KLHL6: variants seen among roughly 807,000 people sequenced by gnomAD.
KLHL6 encodes the protein kelch-like protein 6.
In KLHL6, 41 loss-of-function variants were observed where a neutral mutation model predicts 58.6. The observed-to-expected ratio is 0.70, with a 90% CI of 0.55 to 0.91. KLHL6 has a LOEUF of 0.91. Ranked by LOEUF, KLHL6 falls within the 40% of genes least tolerant of loss-of-function variation. The probability of loss-of-function intolerance (pLI) is 0.00; values close to 1 mark genes in which losing one functional copy is unlikely to be tolerated. For synonymous variants in KLHL6, 338 were observed against 322.7 expected (o/e 1.05, Z -0.51); for missense variants, 714 against 805.6 (o/e 0.89, Z 1.38).
intron 3 of KLHL6, among the ~76,000 whole-genome samples, chr3:183,504,591 T>C (rs1717953085): frequency 1.3e-5 from 2 of 152,220 alleles, no homozygotes; most frequent in South Asian, 4.1e-4. Flanking sequence ...ATCTTTATCA[T>C]CTGCATTTCA....
In KLHL6 at chr3:183,525,446, C is replaced by T. The variant is rs536223221; in HGVS notation, c.459+2399G>A. Among the ~76,000 whole-genome samples the T allele has an allele frequency of 5.3e-5, 8 of 152,194 alleles. No homozygotes were observed. The South Asian group carries it at 1.2e-3, about 24-fold the overall frequency. ...AAACCACACAACTGATGGGAAGACA[C>T]GTCCATTCCTGGAAATATGCTGTAC... On this transcript the variant is annotated intron_variant, in intron 2 of 6. Transcript: ENST00000341319.
chr3:183,548,058 C>CAG (rs1211706489), intron 1 of KLHL6, among the ~76,000 whole-genome samples: 2 of 152,170 alleles, frequency 1.3e-5, no homozygotes, highest in Non-Finnish European at 2.9e-5. Flanking sequence ...GCTGAGCTGA[C>CAG]AGACCCCCAT....
At chr3:183,502,427 T>A (rs1220128190) in intron 3 of KLHL6, among the ~76,000 whole-genome samples, 1 of 152,178 alleles carries the variant, frequency 6.6e-6, no homozygotes, top group African/African-American at 2.4e-5. Context: ...GGTATTCACA[T>A]CTGTGTAGTT....
At chr3:183,516,409 C>G (rs1367966367) in intron 2 of KLHL6, among the ~76,000 whole-genome samples, 2 of 152,202 alleles carry the variant, frequency 1.3e-5, no homozygotes, top group Admixed American at 6.5e-5. Flanking sequence ...TTTGTCAGAG[C>G]TGAGAGATGA....
chr3:183,504,886 T>A (rs1010293765), intron 3 of KLHL6, among the ~76,000 whole-genome samples: 2 of 152,200 alleles, frequency 1.3e-5, no homozygotes, highest in Non-Finnish European at 2.9e-5. Context: ...GGCCCTGGTA[T>A]CTTTTGTTCC....
Position 183,519,744 on chromosome 3 carries a change from T to A in KLHL6, c.459+8101A>T, listed in dbSNP as rs138290616. On this transcript the variant is annotated intron_variant, in intron 2 of 6. Transcript: ENST00000341319. The stretch of plus-strand genomic sequence containing the variant: ...TCTAAAATAATAATAATAATAATAA[T>A]AAAAAGCCGGGCATAGTGGTGCATG... Among the ~76,000 whole-genome samples, 475 of 150,632 alleles carry A rather than the reference T, an allele frequency of 3.2e-3. 9 individuals carry two copies. Among genetic ancestry groups the A allele is most frequent in the African/African-American group, 0.011 (433 of 40,994 alleles).
intron 1 of KLHL6, among the ~76,000 whole-genome samples, chr3:183,535,534 A>G (rs1357782553): frequency 6.6e-6 from 1 of 152,220 alleles, no homozygotes; most frequent in Non-Finnish European, 1.5e-5. Flanking sequence ...ACACATCTCT[A>G]GAGACCCACC....
intron 1 of KLHL6, among the ~76,000 whole-genome samples, chr3:183,547,162 T>C (rs1462615522): frequency 6.6e-6 from 1 of 152,108 alleles, no homozygotes; most frequent in Non-Finnish European, 1.5e-5. Context: ...ATCCACCAGC[T>C]TCAGCCTCCC....
intron 1 of KLHL6, among the ~76,000 whole-genome samples, chr3:183,540,080 G>T (rs945522455): frequency 6.6e-6 from 1 of 152,110 alleles, no homozygotes; most frequent in Non-Finnish European, 1.5e-5. Context: ...CAGATCTTCC[G>T]TTGGGAAACA....
At chr3:183,549,530 C>G (rs750257745) in intron 1 of KLHL6, among the ~76,000 whole-genome samples, 3 of 152,156 alleles carry the variant, frequency 2.0e-5, no homozygotes, top group Non-Finnish European at 4.4e-5. Context: ...GGTCGGGACA[C>G]CTGAGTCTTG....
intron 5 of KLHL6, 56 bp downstream of exon 5, chr3:183,494,022 TA>T (rs1166831689): frequency 3.3e-6 from 5 of 1,514,018 alleles, no homozygotes; most frequent in Middle Eastern, 1.7e-4. Flanking sequence ...CAAAGCTTTT[TA>T]AAAAAGCACT....
intron 1 of KLHL6, among the ~76,000 whole-genome samples, chr3:183,551,019 G>A (rs1712894391): frequency 6.6e-6 from 1 of 151,628 alleles, no homozygotes. Flanking sequence ...CACTAGGGAG[G>A]CTGAGGCAGG....
chr3:183,555,113 C>T (rs1396077164), intron 1 of KLHL6, among the ~76,000 whole-genome samples: 1 of 151,908 alleles, frequency 6.6e-6, no homozygotes, highest in East Asian at 1.9e-4. Flanking sequence ...TGCGGTGAAC[C>T]GAGATTGCGC....
At chr3:183,501,620 A>C (rs577076012) in intron 3 of KLHL6, among the ~76,000 whole-genome samples, 17 of 152,230 alleles carry the variant, frequency 1.1e-4, no homozygotes, top group African/African-American at 4.1e-4. Context: ...CCTGACCCCC[A>C]GGGCTGGCAC....
chr3:183,546,509 G>A (rs909178930), intron 1 of KLHL6, among the ~76,000 whole-genome samples: 7 of 152,180 alleles, frequency 4.6e-5, no homozygotes, highest in African/African-American at 1.7e-4. Context: ...CCTCCCCACA[G>A]GAGTCCTGGG....
chr3:183,511,472 T>C (rs1192492999), intron 2 of KLHL6, among the ~76,000 whole-genome samples: 1 of 152,154 alleles, frequency 6.6e-6, no homozygotes, highest in Non-Finnish European at 1.5e-5. Context: ...ACTTTCCTCT[T>C]TTACTAATCC....
chr3:183,515,808 A>G (rs1560099637), intron 2 of KLHL6, among the ~76,000 whole-genome samples: 1 of 152,226 alleles, frequency 6.6e-6, no homozygotes, highest in Non-Finnish European at 1.5e-5. Flanking sequence ...TCTAGCAGAA[A>G]GTCTGGAAAA....
At chr3:183,543,078 A>G (rs972095115) in intron 1 of KLHL6, among the ~76,000 whole-genome samples, 15 of 152,176 alleles carry the variant, frequency 9.9e-5, no homozygotes, top group Admixed American at 2.0e-4. Context: ...AGATCACCTG[A>G]GGTCAGGAGT....
intron 2 of KLHL6, among the ~76,000 whole-genome samples, chr3:183,519,911 A>G (rs896236079): frequency 6.6e-6 from 1 of 151,204 alleles, no homozygotes; most frequent in African/African-American, 2.4e-5. Flanking sequence ...AAAAAAAAAA[A>G]AAAAAACAAG....
Sources: allele counts gnomAD v4.1 joint callset (sites outside exome capture counted in the v4.1 genomes callset), GRCh38; gene constraint gnomAD v4.1.1; transcripts MANE v1.5; gene names NCBI Gene and HGNC (gene_info 2026-07-23, HGNC 2026-07-21).